The following UGT1A9 variants were observed in gnomAD, a reference collection of about 807,000 sequenced individuals.
UGT1A9 encodes UDP-glucuronosyltransferase 1A9.
In UGT1A9, 35 loss-of-function variants were observed where a neutral mutation model predicts 45.0. The ratio of observed to expected loss-of-function variants is 0.78; its 90% confidence interval spans 0.59 to 1.03. The LOEUF (loss-of-function observed/expected upper bound fraction) is 1.03, where lower values mean the gene tolerates loss of function less well. Among genes scored for constraint, UGT1A9 ranks in the 50% least tolerant of loss-of-function variants. UGT1A9 has a pLI of 0.00. For missense variants in UGT1A9, 687 were observed against 666.6 expected (o/e 1.03, Z -0.34); for synonymous variants, 278 against 250.6 (o/e 1.11, Z -1.03).
intron 1 of UGT1A9, chr2:233,722,151 A>G (rs1415241636): frequency 2.5e-5 from 4 of 162,020 alleles, no homozygotes; most frequent in African/African-American, 9.6e-5. Flanking sequence ...CTGCAGGACA[A>G]GATGTGTCAC....
chr2:233,772,537 C>T lies in UGT1A9; in HGVS notation c.1571C>T (p.Ala524Val). 1 of 1,614,090 alleles carries T rather than the reference C, an allele frequency of 6.2e-7. No individual in the cohort carries two copies. Among genetic ancestry groups the T allele is most frequent in the South Asian group, 1.1e-5 (1 of 91,078 alleles). ...GGGAAAAAAGGGCGAGTTAAGAAAG[C>T]CCACAAATCCAAGACCCATTGAGAA... ...CLGKKGRVKK[A>V]HKSKTH Residue 524 changes from alanine to valine, a missense_variant, in exon 5 of 5, where the codon GCC becomes GTC. Ala to Val is a moderately conservative substitution (Grantham distance 64, BLOSUM62 0). Transcript: ENST00000354728.
rs766652612 is a variant in UGT1A9 at position 233,682,141 on chromosome 2, A to T, written c.855+9352A>T. 1.9e-6 allele frequency: 3 copies of T among 1,614,192 alleles called. No homozygotes were observed. Among genetic ancestry groups the T allele is most frequent in the African/African-American group, 1.3e-5 (1 of 75,050 alleles). On this transcript the variant is annotated intron_variant, in intron 1 of 4. Coordinates refer to ENST00000354728, the MANE Select transcript of UGT1A9 (RefSeq NM_021027.3). ...CAGAGGTGAGTTGGCAACTGGGAAG[A>T]TCACTGAATTGCACAGTGAAGACTT...
intron 1 of UGT1A9, among the ~76,000 whole-genome samples, chr2:233,695,579 C>G (rs967801959): frequency 2.6e-5 from 4 of 151,918 alleles, no homozygotes; most frequent in Non-Finnish European, 2.9e-5. Flanking sequence ...CCCTTCCCTA[C>G]TTACCCTTTC....
rs927700420 is a variant in UGT1A9, at chr2:233,691,672, T to A, written c.855+18883T>A. On this transcript the variant is annotated intron_variant, in intron 1 of 4. Coordinates refer to ENST00000354728, the MANE Select transcript of UGT1A9 (RefSeq NM_021027.3). ...GTGACCCTCCCTTTCTGGGCCTCAG[T>A]TGAGAAACCTGAAGCTCAGGAGAGG... 3.1e-6 allele frequency: 3 copies of A among 974,090 alleles called. No individual in the cohort carries two copies. In the South Asian group the frequency reaches 1.5e-4, roughly 47 times the overall value. The allele number at this position is 974,090 out of a possible 1,614,324, so 60.3% of individuals were successfully genotyped here. A position where few individuals can be genotyped will look rare whatever the true frequency, so the allele number is the denominator to read the frequency against.
At chr2:233,729,140 T>C (rs764216877) in intron 1 of UGT1A9, 7 of 1,613,266 alleles carry the variant, frequency 4.3e-6, no homozygotes, top group East Asian at 2.2e-5. Context: ...GCCACAGGAC[T>C]CCAGGTTCCC....
intron 4 of UGT1A9, 111 bp from the exon 5 acceptor site, chr2:233,772,151 C>T (rs1700473345): frequency 1.3e-6 from 2 of 1,555,904 alleles, no homozygotes; most frequent in Non-Finnish European, 8.7e-7. Context: ...AACAGGTTTC[C>T]TTTCCCAAGT....
chr2:233,772,211 T>C, intron 4 of UGT1A9, 51 bp from the exon 5 acceptor site: 2 of 1,610,790 alleles, frequency 1.2e-6, no homozygotes, highest in Non-Finnish European at 1.7e-6. Flanking sequence ...AAAGAGAGGA[T>C]TGTTCATACC....
chr2:233,743,362 C>T (rs1294240310), intron 1 of UGT1A9: 4 of 1,036,752 alleles, frequency 3.9e-6, no homozygotes, highest in Non-Finnish European at 5.4e-6. Flanking sequence ...CTTGAAGCTG[C>T]CTGTCCCATC....
chr2:233,767,983 AG>A (rs1699537799), intron 3 of UGT1A9, 47 bp downstream of exon 3: 1 of 1,614,082 alleles, frequency 6.2e-7, no homozygotes, highest in African/African-American at 1.3e-5. Context: ...GGTCAAATTA[AG>A]AAAATGGCTT....
chr2:233,680,313 T>C (rs1352162267), intron 1 of UGT1A9, among the ~76,000 whole-genome samples: 1 of 152,168 alleles, frequency 6.6e-6, no homozygotes, highest in Non-Finnish European at 1.5e-5. Context: ...TGCAATTTAC[T>C]AGAGAGAAGA....
Position 233,671,924 on chromosome 2 carries a change from G to A in UGT1A9, c.-11G>A. 1.3e-6 allele frequency: 2 copies of A among 1,597,406 alleles called. No individual in the cohort carries two copies. Among genetic ancestry groups the A allele is most frequent in the Non-Finnish European group, 1.7e-6 (2 of 1,171,634 alleles). On this transcript the variant is annotated 5_prime_UTR_variant, in exon 1 of 5. Coordinates refer to ENST00000354728, the MANE Select transcript of UGT1A9 (RefSeq NM_021027.3). ...GATTCCCAGCTGCTTGCTCTCAGCT[G>A]CAGTTCTCTGATGGCTTGCACAGGG...
intron 1 of UGT1A9, among the ~76,000 whole-genome samples, chr2:233,708,162 G>A (rs372592365): frequency 6.6e-5 from 10 of 152,302 alleles, no homozygotes; most frequent in African/African-American, 2.4e-4. Flanking sequence ...GGAGTTGCCG[G>A]AAAATGGACT....
chr2:233,769,481 G>C lies in UGT1A9; in HGVS notation c.1295+1042G>C. ...TTCATATGCGTGTGTGTGTGTGTGCGTGTGTTTATGAGAGTGTCCATTGCT... is the reference window on the plus strand; with the variant it reads ...TTCATATGCGTGTGTGTGTGTGTGCCTGTGTTTATGAGAGTGTCCATTGCT... On this transcript the variant is annotated intron_variant, in intron 4 of 4. Coordinates refer to ENST00000354728, the MANE Select transcript of UGT1A9 (RefSeq NM_021027.3). This position sits in a 1 kb window ranked among gnomAD's most constrained non-coding sequence, Gnocchi z 4.4. 6.2e-7 allele frequency: 1 copy of C among 1,612,192 alleles called. No homozygotes were observed. The highest frequency in any genetic ancestry group is 1.1e-5 in the South Asian group (1 of 91,012).
chr2:233,684,850 G>T (rs541497962), intron 1 of UGT1A9, among the ~76,000 whole-genome samples: 1 of 152,194 alleles, frequency 6.6e-6, no homozygotes, highest in African/African-American at 2.4e-5. Flanking sequence ...ACACTGTATA[G>T]TGTTCCTTTC....
intron 1 of UGT1A9, chr2:233,690,772 CACAT>C (rs1408183947): frequency 4.5e-5 from 49 of 1,080,518 alleles, no homozygotes; most frequent in Admixed American, 2.5e-4. Flanking sequence ...CACACACACA[CACAT>C]ACACACACAC....
chr2:233,702,821 G>T (rs769310431), intron 1 of UGT1A9, among the ~76,000 whole-genome samples: 8 of 152,166 alleles, frequency 5.3e-5, no homozygotes, highest in Non-Finnish European at 1.2e-4. Context: ...ACTTGATTGT[G>T]TTGTATAATC....
chr2:233,721,861 C>G, intron 1 of UGT1A9: 1 of 507,540 alleles, frequency 2.0e-6, no homozygotes, highest in South Asian at 1.4e-5. Context: ...CTGCTCGGCC[C>G]TGGGCACACT....
chr2:233,772,307 C>G lies in UGT1A9; in HGVS notation c.1341C>G (p.Arg447=), dbSNP rs1321809873. The G allele has an allele frequency of 6.2e-7, 1 of 1,614,232 alleles. No homozygotes were observed. The highest frequency in any genetic ancestry group is 1.7e-5 in the Admixed American group (1 of 60,028). Residue 447 remains arginine (R), a synonymous_variant, in exon 5 of 5, where the codon CGC becomes CGG. Coordinates refer to ENST00000354728, the MANE Select transcript of UGT1A9 (RefSeq NM_021027.3). ...IMRLSSLHKD[R]PVEPLDLAVF... ...GCCTCTCCAGCCTTCACAAGGACCGCCCGGTGGAGCCGCTGGACCTGGCCG... is the reference window on the plus strand; with the variant it reads ...GCCTCTCCAGCCTTCACAAGGACCGGCCGGTGGAGCCGCTGGACCTGGCCG...
At chr2:233,716,309 C>T (rs2076497368) in intron 1 of UGT1A9, among the ~76,000 whole-genome samples, 1 of 152,204 alleles carries the variant, frequency 6.6e-6, no homozygotes, top group Admixed American at 6.5e-5. Flanking sequence ...GTCTCTTCCA[C>T]CTGTAATGGA....
Sources: gnomAD v4.1 joint callset for allele counts (sites outside exome capture counted in the v4.1 genomes callset) on GRCh38, gnomAD v4.1.1 for gene constraint, Gnocchi (gnomAD v3.1) non-coding constraint, MANE v1.5 for transcripts, NCBI Gene and HGNC (gene_info 2026-07-23, HGNC 2026-07-21) for gene names.